Variants in NAV1 observed in about 807,000 individuals in gnomAD.
The protein encoded by NAV1 is neuron navigator 1, also known as pore membrane and/or filament interacting like protein 3.
A neutral mutation model predicts 175.2 loss-of-function variants in NAV1; 18 were observed. That is an observed-to-expected ratio of 0.10 (90% confidence interval 0.07 to 0.15). The LOEUF (loss-of-function observed/expected upper bound fraction) is 0.15. Among genes scored for constraint, NAV1 ranks in the 10% least tolerant of loss-of-function variants. The pLI is 1.00. For missense variants in NAV1, 1,731 were observed against 2,436.6 expected (o/e 0.71, Z 6.10); for synonymous variants, 897 against 978.7 (o/e 0.92, Z 1.56).
intron 2 of NAV1, among the ~76,000 whole-genome samples, chr1:201,602,663 T>TG (rs1477281181): frequency 4.9e-5 from 6 of 121,508 alleles, no homozygotes; most frequent in East Asian, 3.3e-4. Flanking sequence ...TTTTTTTTTT[T>TG]TTGGTTTTTT....
At chr1:201,701,908 A>G (rs1671443245) in intron 1 of NAV1, among the ~76,000 whole-genome samples, 1 of 152,256 alleles carries the variant, frequency 6.6e-6, no homozygotes, top group Non-Finnish European at 1.5e-5. Context: ...GAAAACATGC[A>G]TCCATATAAA....
intron 2 of NAV1, among the ~76,000 whole-genome samples, chr1:201,641,653 C>G (rs1668755306): frequency 6.6e-6 from 1 of 152,204 alleles, no homozygotes; most frequent in Non-Finnish European, 1.5e-5. Context: ...TGGTAGGCAT[C>G]TAAGCAGAGA....
At chr1:201,713,487 A>G (rs890076577) in intron 2 of NAV1, among the ~76,000 whole-genome samples, 1 of 152,192 alleles carries the variant, frequency 6.6e-6, no homozygotes, top group Non-Finnish European at 1.5e-5. Flanking sequence ...CACTCCCTGC[A>G]GAGACCTCAT....
chr1:201,755,967 CGTG>C (rs1674431970), intron 3 of NAV1, among the ~76,000 whole-genome samples: 1 of 151,782 alleles, frequency 6.6e-6, no homozygotes, highest in Non-Finnish European at 1.5e-5. Flanking sequence ...ATTAGCTGGG[CGTG>C]GTGGTGCATG....
At chr1:201,670,334 T>C (rs1365187844) in intron 1 of NAV1, among the ~76,000 whole-genome samples, 1 of 118,544 alleles carries the variant, frequency 8.4e-6, no homozygotes. Context: ...TGAACCGAGA[T>C]CATGCCACTG....
chr1:201,683,281 A>G (rs966452857), intron 1 of NAV1, among the ~76,000 whole-genome samples: 1 of 152,226 alleles, frequency 6.6e-6, no homozygotes, highest in African/African-American at 2.4e-5. Context: ...CCACAGAAGT[A>G]AAATGCCATT....
intron 2 of NAV1, among the ~76,000 whole-genome samples, chr1:201,713,622 T>G (rs1302798641): frequency 6.6e-6 from 1 of 152,194 alleles, no homozygotes; most frequent in Non-Finnish European, 1.5e-5. Context: ...CCAGATGAGC[T>G]CATGCTGTCA....
At chr1:201,816,399 A>G (rs938057182) in intron 28 of NAV1, among the ~76,000 whole-genome samples, 3 of 152,228 alleles carry the variant, frequency 2.0e-5, no homozygotes, top group Non-Finnish European at 4.4e-5. Flanking sequence ...AAGGTAATAC[A>G]TACGTTAATT....
chr1:201,729,300 C>T (rs140796926), intron 3 of NAV1, among the ~76,000 whole-genome samples: 5 of 152,308 alleles, frequency 3.3e-5, no homozygotes, highest in East Asian at 1.9e-4. Context: ...AGCAAGAATA[C>T]GAATACGGCA....
At chr1:201,654,096 T>G (rs1669307305) in intron 1 of NAV1, among the ~76,000 whole-genome samples, 2 of 152,136 alleles carry the variant, frequency 1.3e-5, no homozygotes, top group South Asian at 2.1e-4. Flanking sequence ...ACCGCATGGA[T>G]GAATAAGTAG....
intron 1 of NAV1, among the ~76,000 whole-genome samples, chr1:201,654,749 T>G (rs1669334701): frequency 6.6e-6 from 1 of 152,176 alleles, no homozygotes; most frequent in Non-Finnish European, 1.5e-5. Flanking sequence ...GGAAATTGTC[T>G]AGTTGAGCCA....
In NAV1 at chr1:201,740,203, G is replaced by A; in HGVS notation, c.1226+21448G>A. The A allele has an allele frequency of 1.3e-6, 1 of 781,102 alleles. No individual in the cohort carries two copies. Among genetic ancestry groups the A allele is most frequent in the Non-Finnish European group, 1.9e-6 (1 of 516,454 alleles). 48.4% of individuals were successfully genotyped at this position (781,102 alleles called of 1,614,324 possible). A position where few individuals can be genotyped will look rare whatever the true frequency, so the allele number is the denominator to read the frequency against. On this transcript the variant is annotated intron_variant, in intron 3 of 29. Coordinates refer to ENST00000367296, the Ensembl canonical transcript of NAV1. This position sits in a 1 kb window ranked among gnomAD's most constrained non-coding sequence, Gnocchi z 4.7. Reference sequence around the variant, plus strand: ...TGCAGTCTCAGGGGCAGTGGGTGTGGGGTCCGCAAGAAGGAGGGTCTTGGC... The same window carrying A: ...TGCAGTCTCAGGGGCAGTGGGTGTGAGGTCCGCAAGAAGGAGGGTCTTGGC...
chr1:201,794,427 C>G, intron 14 of NAV1, 39 bp from the exon 19 acceptor site: 1 of 1,581,094 alleles, frequency 6.3e-7, no homozygotes, highest in South Asian at 1.1e-5. Flanking sequence ...AGGTGTGAGC[C>G]ACCGTGCCCA....
chr1:201,583,882 G>GA (rs1298437371), intron 1 of NAV1, among the ~76,000 whole-genome samples: 1 of 152,182 alleles, frequency 6.6e-6, no homozygotes, highest in African/African-American at 2.4e-5. Flanking sequence ...GCTTCCCAGG[G>GA]AAACTTGGAT....
At position 201,768,208 on chromosome 1, in the gene NAV1, A is replaced by G. The variant is rs180844483; in HGVS notation, c.1227-12213A>G. Among the ~76,000 whole-genome samples, 405 of 152,150 alleles carry G rather than the reference A, an allele frequency of 2.7e-3. 1 individual carries two copies. The highest frequency in any genetic ancestry group is 9.6e-3 in the African/African-American group (397 of 41,488). On this transcript the variant is annotated intron_variant, in intron 3 of 29. Transcript: ENST00000367296. The stretch of plus-strand genomic sequence containing the variant: ...GGTGTGGTGGTAATTACATGCCTGT[A>G]ATCCCAGCTACTTGGGAGGCTGAGG...
In NAV1 at chr1:201,788,733, C is replaced by G; in HGVS notation, c.3166+95C>G. ...CTCCCACCACTCCTACCACCACACA[C>G]ATATATGATTCACAGAACATCAAGT... On this transcript the variant is annotated intron_variant, in intron 10 of 29. Coordinates refer to ENST00000367296, the Ensembl canonical transcript of NAV1. The surrounding 1 kb of genome is among the most constrained non-coding windows in gnomAD (Gnocchi z 5.7). 1 of 1,332,130 alleles carries G rather than the reference C, an allele frequency of 7.5e-7. No homozygotes were observed. The highest frequency in any genetic ancestry group is 2.3e-5 in the East Asian group (1 of 42,584). 82.5% of individuals were successfully genotyped at this position (1,332,130 alleles called of 1,614,324 possible). A position where few individuals can be genotyped will look rare whatever the true frequency, so the allele number is the denominator to read the frequency against.
chr1:201,724,093 C>A (rs1195241466), intron 3 of NAV1: 1 of 152,190 alleles, frequency 6.6e-6, no homozygotes, highest in African/African-American at 2.4e-5. Context: ...CTAGACTGAT[C>A]ACCCGCTTGA....
intron 1 of NAV1, among the ~76,000 whole-genome samples, chr1:201,561,553 A>G (rs1666200428): frequency 1.3e-5 from 2 of 152,252 alleles, no homozygotes; most frequent in South Asian, 4.1e-4. Flanking sequence ...CATATGCTAG[A>G]CATTCAATAA....
At chr1:201,817,591 T>C (rs990325232) in intron 29 of NAV1, among the ~76,000 whole-genome samples, 2 of 152,092 alleles carry the variant, frequency 1.3e-5, no homozygotes, top group African/African-American at 4.8e-5. Context: ...GCTCTAAATA[T>C]CAGAATCTGG....
Sources: gnomAD v4.1 joint callset for allele counts (sites outside exome capture counted in the v4.1 genomes callset) on GRCh38, gnomAD v4.1.1 for gene constraint, Gnocchi (gnomAD v3.1) non-coding constraint, MANE v1.5 for transcripts, NCBI Gene and HGNC (gene_info 2026-07-23, HGNC 2026-07-21) for gene names.